Variants in PREX2 observed in about 807,000 individuals in gnomAD.
PREX2 encodes phosphatidylinositol 3,4,5-trisphosphate-dependent Rac exchanger 2 protein.
A neutral mutation model predicts 203.2 loss-of-function variants in PREX2; 107 were observed. That is an observed-to-expected ratio of 0.53 (90% CI 0.45 to 0.62). PREX2 has a LOEUF of 0.62. PREX2 is among the 20% of genes least tolerant of loss of function. The pLI is 0.00. For synonymous variants in PREX2, 672 were observed against 663.6 expected (o/e 1.01, Z -0.19); for missense variants, 1,777 against 1,955.9 (o/e 0.91, Z 1.72).
chr8:68,024,415 G>A (rs1013987060), intron 4 of PREX2, among the ~76,000 whole-genome samples: 2 of 151,934 alleles, frequency 1.3e-5, no homozygotes, highest in Non-Finnish European at 2.9e-5. Context: ...TTATCATCAT[G>A]AAATGGTCTT....
At chr8:68,129,884 A>C (rs549293743) in intron 31 of PREX2, among the ~76,000 whole-genome samples, 1 of 5,550 alleles carries the variant, frequency 1.8e-4, no homozygotes, top group Non-Finnish European at 3.0e-4. Context: ...AACAATAGTA[A>C]GCAAAAAAAA....
At chr8:68,192,736 C>G (rs1319892914) in intron 37 of PREX2, 2 of 413,588 alleles carry the variant, frequency 4.8e-6, no homozygotes, top group African/African-American at 4.1e-5. Context: ...ACGTTTATAT[C>G]ATTGTGGCCC....
At chr8:68,024,215 C>A (rs766165783) in intron 4 of PREX2, among the ~76,000 whole-genome samples, 5 of 151,866 alleles carry the variant, frequency 3.3e-5, no homozygotes, top group Non-Finnish European at 7.4e-5. Context: ...CATGCATTGA[C>A]AATGCTATGA....
chr8:67,966,931 T>C (rs556902688), intron 1 of PREX2, among the ~76,000 whole-genome samples: 3 of 152,272 alleles, frequency 2.0e-5, no homozygotes, highest in African/African-American at 7.2e-5. Context: ...GACTCTAACC[T>C]AGGAGCTACA....
chr8:68,207,371 C>G (rs73683412), intron 37 of PREX2, among the ~76,000 whole-genome samples: 4,380 of 152,246 alleles, frequency 0.029, 223 homozygotes, highest in African/African-American at 0.098. Context: ...GTGAACACTT[C>G]TTGAGCAAAT....
In PREX2 at chr8:68,097,807, A is replaced by G. The variant is rs571687497; in HGVS notation, c.2553+606A>G. Reference sequence around the variant, plus strand: ...CTGTGTCTGTGAATTCATTATTGTGAATCCAATTCAGATGGTTTTCATGAC... The same window carrying G: ...CTGTGTCTGTGAATTCATTATTGTGGATCCAATTCAGATGGTTTTCATGAC... On this transcript the variant is annotated intron_variant, in intron 22 of 39. Transcript: ENST00000288368. Among the ~76,000 whole-genome samples the G allele has an allele frequency of 9.8e-5, 15 of 152,336 alleles. No homozygotes were observed. In the South Asian group the frequency reaches 3.1e-3, roughly 32 times the overall value.
At chr8:68,151,218 T>G (rs80087815) in intron 34 of PREX2, among the ~76,000 whole-genome samples, 2,030 of 152,020 alleles carry the variant, frequency 0.013, 16 homozygotes, top group Non-Finnish European at 0.022. Context: ...CGCAGGAACT[T>G]GAGACCAGCC....
At chr8:68,228,460 A>G (rs944080002) in intron 39 of PREX2, among the ~76,000 whole-genome samples, 6 of 152,076 alleles carry the variant, frequency 3.9e-5, no homozygotes, top group African/African-American at 1.4e-4. Flanking sequence ...CTGTCTTTAC[A>G]TAAAATAAAA....
chr8:67,991,073 A>T (rs1394782775), intron 1 of PREX2, among the ~76,000 whole-genome samples: 1 of 152,202 alleles, frequency 6.6e-6, no homozygotes, highest in African/African-American at 2.4e-5. Context: ...AGTTTTCATT[A>T]ATCATAGTAA....
chr8:68,217,646 C>T lies in PREX2; in HGVS notation c.4635C>T (p.Ala1545=), dbSNP rs762155744. 6.2e-7 allele frequency: 1 copy of T among 1,614,160 alleles called. No individual in the cohort carries two copies. Residue 1545 remains alanine, a synonymous_variant, in exon 38 of 40, where the codon GCC becomes GCT. Coordinates refer to ENST00000288368, the MANE Select transcript of PREX2 (RefSeq NM_024870.4). ...CCCTGAGCGTGACGCTGGAGCAAGCCATCATTCTGGCCAGAAGCCACGGAC... is the reference window on the plus strand; with the variant it reads ...CCCTGAGCGTGACGCTGGAGCAAGCTATCATTCTGGCCAGAAGCCACGGAC... ...RCTLSVTLEQ[A]IILARSHGLP...
At chr8:68,196,906 A>G (rs776978818) in intron 37 of PREX2, among the ~76,000 whole-genome samples, 11 of 152,144 alleles carry the variant, frequency 7.2e-5, no homozygotes, top group Non-Finnish European at 1.5e-4. Flanking sequence ...ACCTAGTCTC[A>G]GGTATTTCTT....
At chr8:68,087,312 A>G (rs143278481) in intron 18 of PREX2, among the ~76,000 whole-genome samples, 60 of 152,296 alleles carry the variant, frequency 3.9e-4, no homozygotes, top group African/African-American at 1.3e-3. Flanking sequence ...ACTTGAGTTC[A>G]GTAATTTAAG....
chr8:68,175,466 GAGA>G (rs997455923), intron 35 of PREX2, among the ~76,000 whole-genome samples: 1 of 152,154 alleles, frequency 6.6e-6, no homozygotes, highest in African/African-American at 2.4e-5. Context: ...TAGGGGTGAG[GAGA>G]AGATGAGCCA....
At chr8:68,009,153 G>C (rs1402159058) in intron 1 of PREX2, among the ~76,000 whole-genome samples, 1 of 152,024 alleles carries the variant, frequency 6.6e-6, no homozygotes, top group Non-Finnish European at 1.5e-5. Context: ...CATTTCTCTG[G>C]GTTTTCCAGC....
intron 37 of PREX2, among the ~76,000 whole-genome samples, chr8:68,203,493 A>G (rs1013430242): frequency 6.6e-6 from 1 of 152,138 alleles, no homozygotes; most frequent in Non-Finnish European, 1.5e-5. Context: ...CAGAGAGAGA[A>G]AGGGGGATCA....
chr8:68,093,179 T>A (rs1809936601), intron 20 of PREX2, among the ~76,000 whole-genome samples: 1 of 151,950 alleles, frequency 6.6e-6, no homozygotes. Flanking sequence ...TCACCTGAGG[T>A]CGGGAGTTCG....
chr8:68,127,925 A>G (rs1345002640), intron 31 of PREX2, among the ~76,000 whole-genome samples: 2 of 152,198 alleles, frequency 1.3e-5, no homozygotes, highest in African/African-American at 4.8e-5. Context: ...AATGTCATAA[A>G]GGCAGGCACT....
At chr8:68,017,765 G>A in intron 1 of PREX2, 81 bp from the exon 2 acceptor site, 1 of 1,201,846 alleles carries the variant, frequency 8.3e-7, no homozygotes, top group South Asian at 1.3e-5. Flanking sequence ...TTGTTGTAAA[G>A]AAATTAGTTT....
At chr8:68,167,422 C>T (rs748611678) in intron 35 of PREX2, among the ~76,000 whole-genome samples, 3 of 151,732 alleles carry the variant, frequency 2.0e-5, no homozygotes, top group Non-Finnish European at 4.4e-5. Flanking sequence ...TAACCTCTGC[C>T]TCCCAGGTTC....
Sources: gnomAD v4.1 joint callset for allele counts (sites outside exome capture counted in the v4.1 genomes callset) on GRCh38, gnomAD v4.1.1 for gene constraint, MANE v1.5 for transcripts, NCBI Gene and HGNC (gene_info 2026-07-23, HGNC 2026-07-21) for gene names.